The following MLXIPL variants were observed in gnomAD, a reference collection of about 807,000 sequenced individuals.
The protein encoded by MLXIPL is carbohydrate-responsive element-binding protein.
In MLXIPL, 49 loss-of-function variants were observed where a neutral mutation model predicts 81.5. That is an observed-to-expected ratio of 0.60 (90% CI 0.48 to 0.76). The LOEUF is 0.76. MLXIPL is among the 30% of genes least tolerant of loss of function. The pLI is 0.00. For missense variants in MLXIPL, 1,053 were observed against 1,167.0 expected (o/e 0.90, Z 1.42); for synonymous variants, 466 against 485.5 (o/e 0.96, Z 0.53).
the MLXIPL span, among the ~76,000 whole-genome samples, chr7:73,645,525 T>A: frequency 6.6e-6 from 1 of 151,748 alleles, no homozygotes; most frequent in Admixed American, 6.6e-5. Context: ...GTGGGTGAGG[T>A]GGGCGCAGGA....
chr7:73,605,215 T>C (rs1165134823), intron 7 of MLXIPL, among the ~76,000 whole-genome samples: 2 of 152,102 alleles, frequency 1.3e-5, no homozygotes, highest in East Asian at 3.9e-4. Context: ...CCTGCCCCCA[T>C]TGGAGGCCAC....
intron 7 of MLXIPL, among the ~76,000 whole-genome samples, chr7:73,605,059 C>G (rs1243878619): frequency 1.3e-5 from 2 of 152,166 alleles, no homozygotes; most frequent in East Asian, 1.9e-4. Context: ...AGCCACCATG[C>G]CCAGCCTAGC....
At chr7:73,606,728 G>T in intron 5 of MLXIPL, 2 of 526,474 alleles carry the variant, frequency 3.8e-6, no homozygotes, top group Non-Finnish European at 6.9e-6. Context: ...GCCCGGCCTG[G>T]TCCCTCTGTT....
chr7:73,619,762 C>T (rs1796221632), intron 1 of MLXIPL, among the ~76,000 whole-genome samples: 1 of 151,596 alleles, frequency 6.6e-6, no homozygotes, highest in Non-Finnish European at 1.5e-5. Flanking sequence ...AACCCGGTCT[C>T]TACTAAAAAT....
intron 16 of MLXIPL, 128 bp from the exon 17 acceptor site, chr7:73,594,111 T>A (rs1334870185): frequency 4.1e-5 from 56 of 1,378,218 alleles, no homozygotes; most frequent in Non-Finnish European, 5.6e-5. Flanking sequence ...AGAACCTCTG[T>A]CTACAGGCGT....
chr7:73,632,227 C>T, the MLXIPL span, among the ~76,000 whole-genome samples: 2 of 151,852 alleles, frequency 1.3e-5, no homozygotes, highest in African/African-American at 2.4e-5. Flanking sequence ...GTCTTGAACT[C>T]CTGGGCTCAA....
At chr7:73,601,698 T>A (rs532106199) in intron 7 of MLXIPL, among the ~76,000 whole-genome samples, 1 of 151,884 alleles carries the variant, frequency 6.6e-6, no homozygotes, top group South Asian at 2.1e-4. Context: ...ACTCAGCTAA[T>A]TTTTGTATTT....
In MLXIPL at chr7:73,597,585, G is replaced by T; in HGVS notation, c.1200C>A (p.Pro400=). The T allele has an allele frequency of 7.4e-7, 1 of 1,347,770 alleles. No homozygotes were observed. The highest frequency in any genetic ancestry group is 9.5e-7 in the Non-Finnish European group (1 of 1,047,724). 83.5% of individuals were successfully genotyped at this position (1,347,770 alleles called of 1,614,324 possible). A position where few individuals can be genotyped will look rare whatever the true frequency, so the allele number is the denominator to read the frequency against. Residue 400 remains proline (P), a synonymous_variant, in exon 9 of 17, where the codon CCC becomes CCA. Transcript: ENST00000313375. Reference sequence around the variant, plus strand: ...GCTCCAGGCCTGGCACCTTGGCAGGGGGAGGGTAATGCAGCAGAGGTGGGG... The same window carrying T: ...GCTCCAGGCCTGGCACCTTGGCAGGTGGAGGGTAATGCAGCAGAGGTGGGG... ...PVPPPLLHYP[P]PAKVPGLEPC...
At chr7:73,610,204 C>T (rs782276783) in intron 2 of MLXIPL, 9 of 152,268 alleles carry the variant, frequency 5.9e-5, no homozygotes, top group Admixed American at 1.3e-4. Flanking sequence ...ACATTTCTCC[C>T]GCTGTCCCCT....
chr7:73,644,412 G>A, the MLXIPL span, among the ~76,000 whole-genome samples: 1 of 152,064 alleles, frequency 6.6e-6, no homozygotes, highest in African/African-American at 2.4e-5. Flanking sequence ...GTTTTGCCAT[G>A]TTGGCCAGGC....
the MLXIPL span, among the ~76,000 whole-genome samples, chr7:73,636,290 G>C: frequency 6.6e-6 from 1 of 151,972 alleles, no homozygotes; most frequent in South Asian, 2.1e-4. Context: ...TATGCCTGTA[G>C]TCCCACCTAC....
intron 1 of MLXIPL, among the ~76,000 whole-genome samples, chr7:73,616,848 C>CAAAAAA (rs35467108): frequency 1.9e-5 from 1 of 51,626 alleles, no homozygotes; most frequent in Non-Finnish European, 3.7e-5. Context: ...AACTCCGTCT[C>CAAAAAA]AAAAAAAAAA....
the MLXIPL span, among the ~76,000 whole-genome samples, chr7:73,640,776 C>CAA: frequency 6.0e-5 from 4 of 66,718 alleles, no homozygotes; most frequent in South Asian, 5.3e-4. Context: ...GACTCCATCT[C>CAA]AAAAAAAAAA....
the MLXIPL span, among the ~76,000 whole-genome samples, chr7:73,634,764 G>C: frequency 3.3e-5 from 5 of 149,570 alleles, no homozygotes; most frequent in African/African-American, 1.2e-4. Context: ...ACTTTTCTTT[G>C]CAAGAAGTAC....
intron 7 of MLXIPL, among the ~76,000 whole-genome samples, chr7:73,600,581 G>A (rs1177304933): frequency 9.5e-6 from 1 of 105,450 alleles, no homozygotes; most frequent in African/African-American, 3.8e-5. Flanking sequence ...GGGGGCAAGA[G>A]GGGCTAAGGG....
intron 8 of MLXIPL, among the ~76,000 whole-genome samples, chr7:73,598,890 C>T (rs1584083684): frequency 6.6e-6 from 1 of 151,802 alleles, no homozygotes; most frequent in East Asian, 1.9e-4. Flanking sequence ...GAGGCCGAGG[C>T]GGGCGGACTA....
At chr7:73,614,720 T>C (rs1795897643) in intron 2 of MLXIPL, among the ~76,000 whole-genome samples, 1 of 151,968 alleles carries the variant, frequency 6.6e-6, no homozygotes, top group African/African-American at 2.4e-5. Context: ...ATGTATTGGA[T>C]ACCAACTTAG....
At chr7:73,603,733 G>T (rs1263163326) in intron 7 of MLXIPL, among the ~76,000 whole-genome samples, 2 of 152,206 alleles carry the variant, frequency 1.3e-5, no homozygotes, top group Non-Finnish European at 2.9e-5. Flanking sequence ...TAAATGTGTG[G>T]CTATCGGGAA....
At chr7:73,628,461 G>C (rs1554604105), upstream of MLXIPL, among the ~76,000 whole-genome samples, 1 of 152,138 alleles carries the variant, frequency 6.6e-6, no homozygotes. Flanking sequence ...CCAAACACTA[G>C]AGTGTCCAAT....
Sources: gnomAD v4.1 joint callset for allele counts (sites outside exome capture counted in the v4.1 genomes callset) on GRCh38, gnomAD v4.1.1 for gene constraint, MANE v1.5 for transcripts, NCBI Gene and HGNC (gene_info 2026-07-23, HGNC 2026-07-21) for gene names.